ITPR1: variants seen among roughly 807,000 people sequenced by gnomAD.
The protein encoded by ITPR1 is inositol 1,4,5-trisphosphate receptor type 1, also known as inositol 1,4,5-trisphosphate-gated calcium channel ITPR1.
ITPR1 carries 96 observed loss-of-function variants against 318.4 expected under a neutral mutation model. That is an observed-to-expected ratio of 0.30 (90% CI 0.26 to 0.36). The LOEUF is 0.36. Ranked by LOEUF, ITPR1 falls within the 10% of genes least tolerant of loss-of-function variation. The probability of loss-of-function intolerance (pLI) is 1.00; values close to 1 mark genes in which losing one functional copy is unlikely to be tolerated. For missense variants in ITPR1, 2,440 were observed against 3,460.2 expected (o/e 0.71, Z 7.40); for synonymous variants, 1,312 against 1,289.9 (o/e 1.02, Z -0.37).
At position 4,811,366 on chromosome 3, in the gene ITPR1, C is replaced by A. The variant is rs1393953791; in HGVS notation, c.7374C>A (p.Ile2458=). 2 of 1,613,868 alleles carry A rather than the reference C, an allele frequency of 1.2e-6. No homozygotes were observed. Residue 2458 remains isoleucine (I), a synonymous_variant, in exon 56 of 62, where the codon ATC becomes ATA. Coordinates refer to ENST00000649015, the MANE Select transcript of ITPR1 (RefSeq NM_001378452.1). ...SIILTAVLAL[I]LVYLFSIVGY... ...TCCTGACAGCAGTTCTGGCTCTGAT[C>A]CTCGTTTACCTGTTCTCAATAGTGG... is the stretch of plus-strand genomic sequence containing the variant.
At chr3:4,713,497 A>G (rs1376528340) in intron 39 of ITPR1, among the ~76,000 whole-genome samples, 2 of 152,112 alleles carry the variant, frequency 1.3e-5, no homozygotes, top group African/African-American at 2.4e-5. Flanking sequence ...CTGAGTCTCT[A>G]TTGCCTGGCG....
At chr3:4,680,040 G>A (rs962989592) in intron 24 of ITPR1, among the ~76,000 whole-genome samples, 1 of 152,142 alleles carries the variant, frequency 6.6e-6, no homozygotes, top group African/African-American at 2.4e-5. Flanking sequence ...AAAGGGTGAG[G>A]GAATACAGGA....
intron 12 of ITPR1, among the ~76,000 whole-genome samples, chr3:4,655,364 C>T (rs2093682300): frequency 6.6e-6 from 1 of 152,052 alleles, no homozygotes; most frequent in Non-Finnish European, 1.5e-5. Flanking sequence ...CTCCTGGCCT[C>T]CTGGTACAGG....
chr3:4,529,990 ATCC>A (rs1441515118), intron 4 of ITPR1, among the ~76,000 whole-genome samples: 2 of 152,114 alleles, frequency 1.3e-5, no homozygotes, highest in African/African-American at 4.8e-5. Context: ...AACACCATAA[ATCC>A]TCCTCTTAAC....
intron 6 of ITPR1, among the ~76,000 whole-genome samples, chr3:4,640,706 C>G (rs995568597): frequency 1.3e-5 from 2 of 152,206 alleles, no homozygotes; most frequent in African/African-American, 4.8e-5. Context: ...TGCTCACCAG[C>G]AAAATGGAAA....
chr3:4,530,474 C>G (rs937049516), intron 4 of ITPR1, among the ~76,000 whole-genome samples: 22 of 152,170 alleles, frequency 1.4e-4, no homozygotes, highest in Non-Finnish European at 2.5e-4. Flanking sequence ...ACTACCTGAG[C>G]CTGTTACTCT....
chr3:4,558,413 A>G (rs1425173155), intron 4 of ITPR1, among the ~76,000 whole-genome samples: 3 of 152,218 alleles, frequency 2.0e-5, no homozygotes, highest in African/African-American at 7.2e-5. Flanking sequence ...TAGACAAATT[A>G]CAAAGCTCGT....
intron 4 of ITPR1, among the ~76,000 whole-genome samples, chr3:4,613,552 A>T (rs1329882885): frequency 1.3e-5 from 2 of 152,122 alleles, no homozygotes; most frequent in African/African-American, 4.8e-5. Context: ...GGTGACGCAA[A>T]TACCAAGGCC....
chr3:4,685,516 A>G (rs1488198321), intron 30 of ITPR1, among the ~76,000 whole-genome samples: 7 of 152,244 alleles, frequency 4.6e-5, no homozygotes, highest in Non-Finnish European at 1.0e-4. Context: ...ATATCTACCC[A>G]TGAGTTGGTG....
At chr3:4,807,937 A>G (rs550429505) in intron 55 of ITPR1, among the ~76,000 whole-genome samples, 15 of 152,294 alleles carry the variant, frequency 9.8e-5, no homozygotes, top group African/African-American at 3.6e-4. Flanking sequence ...CTCTCTCCCA[A>G]GAGACAGGAG....
chr3:4,804,341 T>C (rs544350192), intron 54 of ITPR1, among the ~76,000 whole-genome samples: 1 of 152,206 alleles, frequency 6.6e-6, no homozygotes, highest in African/African-American at 2.4e-5. Context: ...CTGGGAGACT[T>C]GTCACGCCGC....
chr3:4,690,488 G>A (rs1363976083), intron 31 of ITPR1, among the ~76,000 whole-genome samples: 6 of 152,134 alleles, frequency 3.9e-5, no homozygotes, highest in Admixed American at 2.6e-4. Flanking sequence ...AGGAACAGCT[G>A]GAATGTAGAA....
chr3:4,597,048 T>C (rs1025085650), intron 4 of ITPR1, among the ~76,000 whole-genome samples: 1 of 152,236 alleles, frequency 6.6e-6, no homozygotes, highest in Non-Finnish European at 1.5e-5. Flanking sequence ...AAAGGAACTA[T>C]GTGGCCTGTC....
At chr3:4,703,007 T>A in intron 36 of ITPR1, 57 bp downstream of exon 36, 1 of 1,575,668 alleles carries the variant, frequency 6.3e-7, no homozygotes, top group Non-Finnish European at 8.7e-7. Flanking sequence ...CTGACAGTAG[T>A]AAGGCTGCCA....
chr3:4,733,903 T>C (rs1320207269), intron 43 of ITPR1, among the ~76,000 whole-genome samples: 3 of 152,190 alleles, frequency 2.0e-5, no homozygotes, highest in Non-Finnish European at 4.4e-5. Context: ...CAAAGGTGGG[T>C]CTTACCTAGT....
intron 4 of ITPR1, among the ~76,000 whole-genome samples, chr3:4,614,519 T>C (rs2092307394): frequency 6.6e-6 from 1 of 152,268 alleles, no homozygotes; most frequent in South Asian, 2.1e-4. Context: ...TACCTCTTTA[T>C]AGTCAGGAAA....
At chr3:4,549,605 A>AT (rs2085358613) in intron 4 of ITPR1, among the ~76,000 whole-genome samples, 1 of 151,260 alleles carries the variant, frequency 6.6e-6, no homozygotes, top group African/African-American at 2.4e-5. Flanking sequence ...GACCAGATGA[A>AT]TTTTTTCCCA....
intron 61 of ITPR1, among the ~76,000 whole-genome samples, chr3:4,840,153 T>C (rs762057174): frequency 6.6e-6 from 1 of 150,586 alleles, no homozygotes; most frequent in Non-Finnish European, 1.5e-5. Flanking sequence ...CATTTGAGAA[T>C]CAACTTGTTG....
chr3:4,541,649 T>C (rs1011057155), intron 4 of ITPR1, among the ~76,000 whole-genome samples: 1 of 151,962 alleles, frequency 6.6e-6, no homozygotes, highest in African/African-American at 2.4e-5. Context: ...TTTTTTGAGA[T>C]GGAGTCTCAC....
Sources: allele counts gnomAD v4.1 joint callset (sites outside exome capture counted in the v4.1 genomes callset), GRCh38; gene constraint gnomAD v4.1.1; transcripts MANE v1.5; gene names NCBI Gene and HGNC (gene_info 2026-07-23, HGNC 2026-07-21).